MFNG: variants seen among roughly 807,000 people sequenced by gnomAD.
MFNG encodes beta-1,3-N-acetylglucosaminyltransferase manic fringe.
In MFNG, 24 loss-of-function variants were observed where a neutral mutation model predicts 34.2. The observed-to-expected ratio is 0.70, with a 90% confidence interval of 0.51 to 0.99. The LOEUF (loss-of-function observed/expected upper bound fraction) is 0.99, where lower values mean the gene tolerates loss of function less well. Among genes scored for constraint, MFNG ranks in the 50% least tolerant of loss-of-function variants. The pLI, the probability that MFNG is intolerant of heterozygous loss-of-function variation, is 0.00. For synonymous variants in MFNG, 158 were observed against 179.2 expected (o/e 0.88, Z 0.94); for missense variants, 383 against 424.0 (o/e 0.90, Z 0.85).
Position 37,472,505 on chromosome 22 carries a change from A to T in MFNG, c.837T>A (p.Phe279Leu). 6.3e-7 allele frequency: 1 copy of T among 1,582,210 alleles called. No homozygotes were observed. The highest frequency in any genetic ancestry group is 1.1e-5 in the South Asian group (1 of 87,072). Residue 279 changes from phenylalanine to leucine, a missense_variant, in exon 7 of 8, where the codon TTT becomes TTA. Coordinates refer to ENST00000356998, the MANE Select transcript of MFNG (RefSeq NM_002405.4). ...GCTTAATGACGTTGAGTTTCCCCTCAAAGACACCGTAGCTGAGGGTGACCT... is the reference window on the plus strand; with the variant it reads ...GCTTAATGACGTTGAGTTTCCCCTCTAAGACACCGTAGCTGAGGGTGACCT... ...PEQVTLSYGV[F>L]EGKLNVIKLQ...
chr22:37,486,064 G>T lies in MFNG; in HGVS notation c.114C>A (p.Thr38=). 1 of 1,613,806 alleles carries T rather than the reference G, an allele frequency of 6.2e-7. No homozygotes were observed. The highest frequency in any genetic ancestry group is 1.3e-5 in the African/African-American group (1 of 75,044). Reference sequence around the variant, plus strand: ...CCGGGTTCGGCTGGCTCAGCTCGGGGGTCCCTTGTACCCGCTGCGGGGACA... The same window carrying T: ...CCGGGTTCGGCTGGCTCAGCTCGGGTGTCCCTTGTACCCGCTGCGGGGACA... The part of the protein sequence containing the change: ...LNLSPQRVQG[T]PELSQPNPGP... Residue 38 remains threonine (T), a synonymous_variant, in exon 1 of 8, where the codon ACC becomes ACA. Coordinates refer to ENST00000356998, the MANE Select transcript of MFNG (RefSeq NM_002405.4).
chr22:37,486,085 G>C lies in MFNG; in HGVS notation c.93C>G (p.Ser31=), dbSNP rs762024440. The change falls in exon 1 of 8, where the codon TCC becomes TCG. Residue 31 remains serine, a synonymous_variant. Coordinates refer to ENST00000356998, the MANE Select transcript of MFNG (RefSeq NM_002405.4). ...LLCLRYHLNL[S]PQRVQGTPEL... is the part of the protein sequence containing the mutation. ...CGGGGGTCCCTTGTACCCGCTGCGGGGACAGGTTCAAGTGGTACCGCAGAC... is the reference window on the plus strand; with the variant it reads ...CGGGGGTCCCTTGTACCCGCTGCGGCGACAGGTTCAAGTGGTACCGCAGAC... The C allele has an allele frequency of 1.2e-6, 2 of 1,613,650 alleles. No homozygotes were observed. Among genetic ancestry groups the C allele is most frequent in the East Asian group, 2.2e-5 (1 of 44,854 alleles).
At chr22:37,470,800 C>T (rs1447537376) in intron 7 of MFNG, among the ~76,000 whole-genome samples, 1 of 152,312 alleles carries the variant, frequency 6.6e-6, no homozygotes, top group Non-Finnish European at 1.5e-5. Flanking sequence ...GCCCCTGCCA[C>T]GTCCCCAACC....
At chr22:37,471,605 C>A (rs548895171) in intron 7 of MFNG, among the ~76,000 whole-genome samples, 5 of 152,020 alleles carry the variant, frequency 3.3e-5, no homozygotes, top group Non-Finnish European at 5.9e-5. Context: ...TCAAGGCAGG[C>A]GGATCACTTG....
Position 37,474,548 on chromosome 22 carries a change from G to A in MFNG, c.777C>T (p.Thr259=), listed in dbSNP as rs1210828995. The A allele has an allele frequency of 4.3e-6, 7 of 1,614,114 alleles. No individual in the cohort carries two copies. The highest frequency in any genetic ancestry group is 5.9e-6 in the Non-Finnish European group (7 of 1,179,996). The change falls in exon 6 of 8, where the codon ACC becomes ACT. Residue 259 remains threonine, a synonymous_variant. Transcript: ENST00000356998. Reference sequence around the variant, plus strand: ...GCTGTGCAGTCCTCAGCAGCTGCAGGGTCTCCAGGTGGGAGTGAAAGAGGG... The same window carrying A: ...GCTGTGCAGTCCTCAGCAGCTGCAGAGTCTCCAGGTGGGAGTGAAAGAGGG... ...PSPLFHSHLE[T]LQLLRTAQLP...
rs1008128850 is a variant in MFNG at position 37,485,752 on chromosome 22, C to T, written c.255+171G>A. 1.3e-5 allele frequency among the ~76,000 whole-genome samples: 2 copies of T among 152,218 alleles called. No individual in the cohort carries two copies. The highest frequency in any genetic ancestry group is 4.8e-5 in the African/African-American group (2 of 41,450). On this transcript the variant is annotated intron_variant, in intron 1 of 7. Coordinates refer to ENST00000356998, the MANE Select transcript of MFNG (RefSeq NM_002405.4). This position sits in a 1 kb window ranked among gnomAD's most constrained non-coding sequence, Gnocchi z 5.3. ...CCAGTACAGGGCACGGGCAGGGCCG[C>T]AGGCAGCCCCTAAAGCCCGGAAGAA...
chr22:37,483,486 G>GT lies in MFNG; in HGVS notation c.255+2436dup, dbSNP rs1922393007. ...GCATGGGCCAAATGGGCTGAGGACT[G>GT]TTTCCCGGTGAAGATCTAGTAAGCC... On this transcript the variant is annotated intron_variant, in intron 1 of 7. Coordinates refer to ENST00000356998, the MANE Select transcript of MFNG (RefSeq NM_002405.4). The surrounding 1 kb of genome is among the most constrained non-coding windows in gnomAD (Gnocchi z 4.5). Among the ~76,000 whole-genome samples, 2 of 151,308 alleles carry GT rather than the reference G, an allele frequency of 1.3e-5. No homozygotes were observed. The highest frequency in any genetic ancestry group is 4.2e-4 in the South Asian group (2 of 4,756).
At chr22:37,479,205 A>C in intron 4 of MFNG, 140 bp downstream of exon 4, 2 of 836,210 alleles carry the variant, frequency 2.4e-6, no homozygotes, top group Non-Finnish European at 3.4e-6. Flanking sequence ...GAAGAGGGGA[A>C]GCTACCAGCC....
At chr22:37,478,754 C>G (rs1378572861) in intron 4 of MFNG, among the ~76,000 whole-genome samples, 2 of 152,064 alleles carry the variant, frequency 1.3e-5, no homozygotes, top group African/African-American at 2.4e-5. Flanking sequence ...TCTCAGCTCA[C>G]TGCAACCTCC....
chr22:37,473,236 G>A (rs954015794), intron 6 of MFNG, among the ~76,000 whole-genome samples: 4 of 152,048 alleles, frequency 2.6e-5, no homozygotes, highest in Non-Finnish European at 5.9e-5. Context: ...TCAGGAGTTC[G>A]AGACCAGCCT....
In MFNG at chr22:37,483,274, G is replaced by A. The variant is rs889890274; in HGVS notation, c.256-2505C>T. ...CGGCCACCTAGTCCCCGCCACTGTC[G>A]TCACCTGCTGCCTGCTTTGCTGCAG... On this transcript the variant is annotated intron_variant, in intron 1 of 7. Transcript: ENST00000356998. This position sits in a 1 kb window ranked among gnomAD's most constrained non-coding sequence, Gnocchi z 4.5. 1.3e-5 allele frequency among the ~76,000 whole-genome samples: 2 copies of A among 152,048 alleles called. No individual in the cohort carries two copies. Among genetic ancestry groups the A allele is most frequent in the Non-Finnish European group, 2.9e-5 (2 of 68,006 alleles).
chr22:37,475,020 C>T (rs544338110), intron 5 of MFNG, among the ~76,000 whole-genome samples: 1 of 152,142 alleles, frequency 6.6e-6, no homozygotes, highest in Non-Finnish European at 1.5e-5. Flanking sequence ...AGATACCATG[C>T]TAGGGCTGAG....
intron 1 of MFNG, chr22:37,484,582 T>A (rs906462428): frequency 3.3e-5 from 5 of 152,552 alleles, no homozygotes; most frequent in African/African-American, 1.2e-4. Flanking sequence ...CTCAGTTTCC[T>A]CATCCGGGGC....
At chr22:37,473,703 C>T (rs1921908256) in intron 6 of MFNG, among the ~76,000 whole-genome samples, 1 of 152,184 alleles carries the variant, frequency 6.6e-6, no homozygotes, top group Admixed American at 6.5e-5. Context: ...AGGAAGGAGG[C>T]GCTCTCCTCC....
chr22:37,476,645 C>T (rs766398593), intron 5 of MFNG, among the ~76,000 whole-genome samples: 3 of 152,190 alleles, frequency 2.0e-5, no homozygotes, highest in African/African-American at 7.2e-5. Flanking sequence ...CATGTGCCGA[C>T]GGGGGGACTG....
chr22:37,472,730 A>C, intron 6 of MFNG: 1 of 492,666 alleles, frequency 2.0e-6, no homozygotes, highest in South Asian at 3.0e-5. Flanking sequence ...CCTTAATCCC[A>C]TTTGCTCCCT....
At chr22:37,479,201 G>C (rs1056270554) in intron 4 of MFNG, 144 bp downstream of exon 4, 3 of 798,296 alleles carry the variant, frequency 3.8e-6, no homozygotes, top group Non-Finnish European at 5.5e-6. Context: ...GGTTGAAGAG[G>C]GGAAGCTACC....
rs1019135377 is a variant in MFNG at position 37,482,479 on chromosome 22, A to G, written c.256-1710T>C. The stretch of plus-strand genomic sequence containing the variant: ...CACGCATACACACACACACACACAC[A>G]CGCACGTGCGCACGCCTCTGAGCCT... On this transcript the variant is annotated intron_variant, in intron 1 of 7. Coordinates refer to ENST00000356998, the MANE Select transcript of MFNG (RefSeq NM_002405.4). This position sits in a 1 kb window ranked among gnomAD's most constrained non-coding sequence, Gnocchi z 4.1. Among the ~76,000 whole-genome samples the G allele has an allele frequency of 6.6e-6, 1 of 151,354 alleles. No homozygotes were observed. The highest frequency in any genetic ancestry group is 1.5e-5 in the Non-Finnish European group (1 of 67,884).
intron 6 of MFNG, among the ~76,000 whole-genome samples, chr22:37,472,959 C>T (rs1921876643): frequency 1.3e-5 from 2 of 152,178 alleles, no homozygotes; most frequent in African/African-American, 4.8e-5. Context: ...AGCTCAGAGG[C>T]TGTAGAGCAC....
Sources: allele counts gnomAD v4.1 joint callset (sites outside exome capture counted in the v4.1 genomes callset), GRCh38; gene constraint gnomAD v4.1.1; non-coding constraint Gnocchi (gnomAD v3.1); transcripts MANE v1.5; gene names NCBI Gene and HGNC (gene_info 2026-07-23, HGNC 2026-07-21).